The following LLGL1 variants were observed in gnomAD, a reference collection of about 807,000 sequenced individuals.
The protein encoded by LLGL1 is lethal(2) giant larvae protein homolog 1.
Under a neutral mutation model 110.6 loss-of-function variants are expected in LLGL1, and 58 were observed. The observed-to-expected ratio is 0.52, with a 90% CI of 0.42 to 0.65. LLGL1 has a LOEUF of 0.65. Ranked by LOEUF, LLGL1 falls within the 30% of genes least tolerant of loss-of-function variation. The pLI, the probability that LLGL1 is intolerant of heterozygous loss-of-function variation, is 0.00. For synonymous variants in LLGL1, 674 were observed against 607.2 expected, an observed-to-expected ratio of 1.11 and a Z score of -1.62; for missense variants, 1,229 against 1,462.1, an observed-to-expected ratio of 0.84 and a Z score of 2.60.
chr17:18,234,855 T>G lies in LLGL1; in HGVS notation c.922T>G (p.Phe308Val), dbSNP rs1264405374. The stretch of plus-strand genomic sequence containing the variant: ...TGCACATAGGGGCCACTTTATCATC[T>G]TCAGCGGTGGCATGCCCCGTGCCAG... ...NCESGGHFIIFSGGMPRASYG... is the reference protein window; with the variant it reads ...NCESGGHFIIVSGGMPRASYG... Residue 308 changes from phenylalanine to valine, a missense_variant, in exon 9 of 23, where the codon TTC (phenylalanine) becomes GTC (valine). Coordinates refer to ENST00000316843, the MANE Select transcript of LLGL1 (RefSeq NM_004140.4). 6.2e-7 allele frequency: 1 copy of G among 1,613,946 alleles called. No homozygotes were observed. The highest frequency in any genetic ancestry group is 8.5e-7 in the Non-Finnish European group (1 of 1,180,014).
Position 18,234,997 on chromosome 17 carries a change from C to T in LLGL1, c.1060+4C>T, listed in dbSNP as rs371900474. On this transcript the variant is annotated splice_donor_region_variant and intron_variant, in intron 9 of 22. Transcript: ENST00000316843. ...CACAGCACACGGCCCGAGGATGGTG[C>T]GTGCCCTGCCGTACCCTACCCTTTC... 6 of 1,613,606 alleles carry T rather than the reference C, an allele frequency of 3.7e-6. No homozygotes were observed. Among genetic ancestry groups the T allele is most frequent in the African/African-American group, 1.3e-5 (1 of 74,904 alleles).
intron 15 of LLGL1, 68 bp downstream of exon 15, chr17:18,238,282 A>T: frequency 6.3e-7 from 1 of 1,597,620 alleles, no homozygotes; most frequent in African/African-American, 1.3e-5. Context: ...CTGGCCTGGG[A>T]CCCCTGGGGC....
rs764843900 is a variant in LLGL1, at chr17:18,237,559, G to A, written c.1690G>A (p.Glu564Lys). 8 of 1,609,564 alleles carry A rather than the reference G, an allele frequency of 5.0e-6. No homozygotes were observed. Among genetic ancestry groups the A allele is most frequent in the Admixed American group, 3.3e-5 (2 of 59,944 alleles). Residue 564 changes from glutamate to lysine, a missense_variant, in exon 14 of 23, where the codon GAG (glutamate) becomes AAG (lysine). Coordinates refer to ENST00000316843, the MANE Select transcript of LLGL1 (RefSeq NM_004140.4). The stretch of plus-strand genomic sequence containing the variant: ...CATCATAGACCTCCTCCAGGACCGC[G>A]AGGGCTTCACATGGAAGGGCCACGA... Reference protein sequence around the residue: ...VAIIDLLQDREGFTWKGHERL... With the variant: ...VAIIDLLQDRKGFTWKGHERL...
chr17:18,235,017 C>CCTT, intron 9 of LLGL1, 24 bp downstream of exon 9: 1 of 1,613,946 alleles, frequency 6.2e-7, no homozygotes, highest in Non-Finnish European at 8.5e-7. Flanking sequence ...CGTACCCTAC[C>CCTT]CTTTCCCAGC....
In LLGL1 at chr17:18,233,759, T is replaced by C; in HGVS notation, c.393-19T>C. ...TGGATGGGCTTGTACCCTCACTCCC[T>C]TCCCCTTGTTCCCTGCAGTGCTCCG... is the stretch of plus-strand genomic sequence containing the variant. On this transcript the variant is annotated intron_variant, in intron 4 of 22. Transcript: ENST00000316843. 6.2e-7 allele frequency: 1 copy of C among 1,603,408 alleles called. No homozygotes were observed. Among genetic ancestry groups the C allele is most frequent in the Non-Finnish European group, 8.5e-7 (1 of 1,172,566 alleles).
rs1349145377 is a variant in LLGL1, at chr17:18,234,016, G to A, written c.555G>A (p.Val185=). The part of the protein sequence containing the change: ...TLAPGEVLRS[V]PDDYRCGKAL... ...GCTCACCTGCCTTCCTCCACAGCGT[G>A]CCAGACGACTACCGCTGTGGGAAGG... The change falls in exon 6 of 23, where the codon GTG becomes GTA. Residue 185 remains valine, a synonymous_variant. Coordinates refer to ENST00000316843, the MANE Select transcript of LLGL1 (RefSeq NM_004140.4). The A allele has an allele frequency of 9.4e-6, 15 of 1,594,016 alleles. No homozygotes were observed. Among genetic ancestry groups the A allele is most frequent in the Non-Finnish European group, 1.2e-5 (14 of 1,167,238 alleles).
intron 1 of LLGL1, 130 bp from the exon 2 acceptor site, chr17:18,229,811 A>G: frequency 1.6e-6 from 1 of 644,990 alleles, no homozygotes; most frequent in African/African-American, 1.8e-5. Flanking sequence ...GCACAGAGCA[A>G]GTAGACCTGC....
At chr17:18,237,922 C>T (rs1358809016) in intron 14 of LLGL1, 145 bp from the exon 15 acceptor site, 4 of 1,274,116 alleles carry the variant, frequency 3.1e-6, no homozygotes, top group Admixed American at 4.7e-5. Flanking sequence ...GAAGGACATT[C>T]TCAGTACCAC....
At chr17:18,226,814 C>T (rs1291939243) in intron 1 of LLGL1, among the ~76,000 whole-genome samples, 3 of 152,256 alleles carry the variant, frequency 2.0e-5, no homozygotes, top group African/African-American at 7.2e-5. Flanking sequence ...ACTCCTGGCT[C>T]ACTGCTCTGG....
chr17:18,231,041 G>A (rs995077905), intron 2 of LLGL1, among the ~76,000 whole-genome samples: 2 of 152,186 alleles, frequency 1.3e-5, no homozygotes, highest in Non-Finnish European at 2.9e-5. Flanking sequence ...CGCTGCGTGC[G>A]CACATGTGTC....
rs2047747523 is a variant in LLGL1 at position 18,238,509 on chromosome 17, G to C, written c.2106G>C (p.Glu702Asp). The change falls in exon 16 of 23, where the codon GAG (glutamate) becomes GAC (aspartate). Residue 702 changes from glutamate to aspartate, a missense_variant. Physicochemically the swap from Glu to Asp is conservative, Grantham distance 45. Transcript: ENST00000316843. The part of the protein sequence containing the change: ...LAEQACPHDV[E>D]MTPVQRRIEP... ...AGCAGGCCTGCCCCCACGACGTGGA[G>C]ATGACGCCCGTGCAGCGCCGCATTG... is the stretch of plus-strand genomic sequence containing the variant. 1 of 1,612,504 alleles carries C rather than the reference G, an allele frequency of 6.2e-7. No individual in the cohort carries two copies. The highest frequency in any genetic ancestry group is 1.7e-5 in the Admixed American group (1 of 60,008).
intron 1 of LLGL1, among the ~76,000 whole-genome samples, chr17:18,229,566 G>A (rs1301351592): frequency 1.3e-5 from 2 of 152,176 alleles, no homozygotes; most frequent in African/African-American, 2.4e-5. Flanking sequence ...CATGGAGCAG[G>A]TGGGGCCTCA....
chr17:18,237,517 C>A lies in LLGL1; in HGVS notation c.1648C>A (p.Gln550Lys). The change falls in exon 14 of 23, where the codon CAG becomes AAG. Residue 550 changes from glutamine (Q) to lysine (K), a missense_variant. Gln to Lys is a moderately conservative substitution (Grantham distance 53). Transcript: ENST00000316843. ...GGAGCTTAGTGATGTGCCGGTGGAG[C>A]AGGCGGTCAGCGTGGCCATCATAGA... is the stretch of plus-strand genomic sequence containing the variant. The part of the protein sequence containing the change: ...VLELSDVPVE[Q>K]AVSVAIIDLL... The A allele has an allele frequency of 6.3e-7, 1 of 1,598,006 alleles. No homozygotes were observed. Among genetic ancestry groups the A allele is most frequent in the Non-Finnish European group, 8.5e-7 (1 of 1,169,954 alleles).
intron 12 of LLGL1, 23 bp from the exon 13 acceptor site, chr17:18,236,812 A>T: frequency 6.2e-7 from 1 of 1,612,904 alleles, no homozygotes; most frequent in Non-Finnish European, 8.5e-7. Context: ...GCCTGGACTC[A>T]TTACTCCTTC....
At chr17:18,230,254 G>A (rs1265767414) in intron 2 of LLGL1, among the ~76,000 whole-genome samples, 1 of 152,188 alleles carries the variant, frequency 6.6e-6, no homozygotes, top group East Asian at 1.9e-4. Context: ...GAGACGGGTG[G>A]TGGGGGGTCA....
chr17:18,233,997 C>T lies in LLGL1; in HGVS notation c.552-16C>T. 1 of 1,594,638 alleles carries T rather than the reference C, an allele frequency of 6.3e-7. No homozygotes were observed. The highest frequency in any genetic ancestry group is 8.6e-7 in the Non-Finnish European group (1 of 1,167,916). On this transcript the variant is annotated splice_polypyrimidine_tract_variant and intron_variant, in intron 5 of 22. Coordinates refer to ENST00000316843, the MANE Select transcript of LLGL1 (RefSeq NM_004140.4). Reference sequence around the variant, plus strand: ...TGCCCGGGAAGTTCTGCTGGCTCACCTGCCTTCCTCCACAGCGTGCCAGAC... The same window carrying T: ...TGCCCGGGAAGTTCTGCTGGCTCACTTGCCTTCCTCCACAGCGTGCCAGAC...
In LLGL1 at chr17:18,233,736, G is replaced by A. The variant is rs563213751; in HGVS notation, c.393-42G>A. 3.0e-5 allele frequency: 48 copies of A among 1,578,100 alleles called. 1 individual carries two copies. In the South Asian group the frequency reaches 5.1e-4, roughly 17 times the overall value. ...CCCTCACACCCCACCTGAGCAGGTG[G>A]ATGGGCTTGTACCCTCACTCCCTTC... On this transcript the variant is annotated intron_variant, in intron 4 of 22. Coordinates refer to ENST00000316843, the MANE Select transcript of LLGL1 (RefSeq NM_004140.4).
At chr17:18,231,240 A>G (rs749991563) in intron 2 of LLGL1, among the ~76,000 whole-genome samples, 18 of 151,948 alleles carry the variant, frequency 1.2e-4, no homozygotes, top group Non-Finnish European at 2.5e-4. Context: ...GAGGCTGGAG[A>G]GGGCCAGCCC....
chr17:18,229,928 C>A lies in LLGL1; in HGVS notation c.82-13C>A. ...GGGAGTGCTTACCCCCAGCAGCCCT[C>A]CCCTCCTTGCAGACTGTGGAGCATG... On this transcript the variant is annotated splice_polypyrimidine_tract_variant and intron_variant, in intron 1 of 22. Coordinates refer to ENST00000316843, the MANE Select transcript of LLGL1 (RefSeq NM_004140.4). The A allele has an allele frequency of 6.3e-7, 1 of 1,594,370 alleles. No individual in the cohort carries two copies. Among genetic ancestry groups the A allele is most frequent in the Non-Finnish European group, 8.5e-7 (1 of 1,170,078 alleles).
Sources: allele counts gnomAD v4.1 joint callset (sites outside exome capture counted in the v4.1 genomes callset), GRCh38; gene constraint gnomAD v4.1.1; transcripts MANE v1.5; gene names NCBI Gene and HGNC (gene_info 2026-07-23, HGNC 2026-07-21).